The following FAM83D variants were observed in gnomAD, a reference collection of about 807,000 sequenced individuals.
The protein encoded by FAM83D is protein FAM83D.
In FAM83D, 26 loss-of-function variants were observed where a neutral mutation model predicts 25.4. The ratio of observed to expected loss-of-function variants is 1.02; its 90% CI spans 0.75 to 1.42. The LOEUF (loss-of-function observed/expected upper bound fraction) is 1.42. Among genes scored for constraint, FAM83D ranks in the 40% most tolerant of loss-of-function variants. The pLI, the probability that FAM83D is intolerant of heterozygous loss-of-function variation, is 0.00. For missense variants in FAM83D, 740 were observed against 758.1 expected (o/e 0.98, Z 0.28); for synonymous variants, 310 against 318.5 (o/e 0.97, Z 0.28).
chr20:38,930,397 A>T (rs1426992729), intron 1 of FAM83D, among the ~76,000 whole-genome samples: 1 of 152,212 alleles, frequency 6.6e-6, no homozygotes, highest in South Asian at 2.1e-4. Flanking sequence ...GCCTGAGATC[A>T]CACAGTTAGC....
intron 1 of FAM83D, among the ~76,000 whole-genome samples, chr20:38,938,717 G>A (rs1218265888): frequency 1.3e-5 from 2 of 151,928 alleles, no homozygotes; most frequent in Admixed American, 6.6e-5. Flanking sequence ...AGCCCATGTC[G>A]CCCACTGCTC....
chr20:38,940,601 T>C (rs1399495116), intron 1 of FAM83D, among the ~76,000 whole-genome samples: 6 of 152,108 alleles, frequency 3.9e-5, no homozygotes, highest in Admixed American at 2.0e-4. Context: ...AACCCTTATA[T>C]CTCCAGACTA....
intron 3 of FAM83D, among the ~76,000 whole-genome samples, chr20:38,949,790 G>A (rs928141419): frequency 3.4e-4 from 52 of 152,262 alleles, no homozygotes; most frequent in African/African-American, 1.2e-3. Flanking sequence ...TTGTTCTTAG[G>A]CAGGCTCTCC....
At chr20:38,938,771 T>A (rs1339209519) in intron 1 of FAM83D, among the ~76,000 whole-genome samples, 1 of 152,114 alleles carries the variant, frequency 6.6e-6, no homozygotes, top group African/African-American at 2.4e-5. Flanking sequence ...CCCTCATTGC[T>A]TCTGCCGTGC....
chr20:38,934,089 C>T (rs1568695902), intron 1 of FAM83D, among the ~76,000 whole-genome samples: 1 of 152,090 alleles, frequency 6.6e-6, no homozygotes, highest in Non-Finnish European at 1.5e-5. Context: ...CTCCTGACGT[C>T]GTGATCTGCC....
rs568671985 is a variant in FAM83D, at chr20:38,932,911, GA to G, written c.483+5987del. On this transcript the variant is annotated intron_variant, in intron 1 of 3. Coordinates refer to ENST00000619850, the MANE Select transcript of FAM83D (RefSeq NM_030919.3). ...TGATAACCTGAGCGTTAGTAGTGGGGATCATTGCGTTCCCAGAGAGCCCTGC... is the reference window on the plus strand; with the variant it reads ...TGATAACCTGAGCGTTAGTAGTGGGGTCATTGCGTTCCCAGAGAGCCCTGC... Among the ~76,000 whole-genome samples, 4 of 152,328 alleles carry G rather than the reference GA, an allele frequency of 2.6e-5. No homozygotes were observed. In the South Asian group the frequency reaches 8.3e-4, roughly 32 times the overall value.
rs555412410 is a variant in FAM83D, at chr20:38,939,618, T to C, written c.484-2341T>C. Among the ~76,000 whole-genome samples, 7 of 152,332 alleles carry C rather than the reference T, an allele frequency of 4.6e-5. No homozygotes were observed. The South Asian group carries it at 1.4e-3, about 32-fold the overall frequency. ...CACCCACCTCGGCCTCCCAAAGCAC[T>C]GGGATTACAGGCATGAGCCATCATG... On this transcript the variant is annotated intron_variant, in intron 1 of 3. Coordinates refer to ENST00000619850, the MANE Select transcript of FAM83D (RefSeq NM_030919.3).
intron 3 of FAM83D, among the ~76,000 whole-genome samples, chr20:38,950,817 A>T (rs953191908): frequency 1.2e-4 from 18 of 149,756 alleles, no homozygotes; most frequent in Non-Finnish European, 2.2e-4. Context: ...ATTTTTAATT[A>T]ATTTTTTGAG....
intron 1 of FAM83D, among the ~76,000 whole-genome samples, chr20:38,936,227 G>C (rs2085678295): frequency 6.6e-6 from 1 of 152,218 alleles, no homozygotes; most frequent in African/African-American, 2.4e-5. Context: ...AGAAGAGCTA[G>C]AATGAGAACT....
chr20:38,947,888 C>G lies in FAM83D; in HGVS notation c.664C>G (p.Arg222Gly). The G allele has an allele frequency of 6.2e-7, 1 of 1,613,940 alleles. No homozygotes were observed. ...HPEQEKLMTVRTITGNIYYAR... is the reference protein window; with the variant it reads ...HPEQEKLMTVGTITGNIYYAR... ...TCCCTGCCAACAGTTAATGACAGTTCGGACTATCACAGGAAATATCTACTA... is the reference window on the plus strand; with the variant it reads ...TCCCTGCCAACAGTTAATGACAGTTGGGACTATCACAGGAAATATCTACTA... Residue 222 changes from arginine (R) to glycine (G), a missense_variant, in exon 3 of 4, where the codon CGG (arginine) becomes GGG (glycine). This residue lies in a region of FAM83D where 32 missense variants were observed against 56.2 expected (regional missense o/e 0.57). Transcript: ENST00000619850.
intron 1 of FAM83D, among the ~76,000 whole-genome samples, chr20:38,927,647 C>T (rs191632871): frequency 5.9e-4 from 89 of 151,918 alleles, no homozygotes; most frequent in African/African-American, 1.9e-3. Context: ...TACCGGTGCC[C>T]GCCACCACGC....
At chr20:38,950,709 CT>C (rs1216138102) in intron 3 of FAM83D, among the ~76,000 whole-genome samples, 1 of 150,066 alleles carries the variant, frequency 6.7e-6, no homozygotes, top group African/African-American at 2.5e-5. Context: ...ATCCCTTTAT[CT>C]GGTTTCCTTA....
chr20:38,946,103 G>A (rs2085726682), intron 2 of FAM83D, among the ~76,000 whole-genome samples: 1 of 151,038 alleles, frequency 6.6e-6, no homozygotes, highest in Non-Finnish European at 1.5e-5. Flanking sequence ...TTAGCTACTC[G>A]GGAGGCTGAG....
intron 1 of FAM83D, among the ~76,000 whole-genome samples, chr20:38,932,005 T>C (rs1033173289): frequency 6.6e-6 from 1 of 152,232 alleles, no homozygotes; most frequent in Non-Finnish European, 1.5e-5. Context: ...GGTTTGTGAA[T>C]CTGCCAGCCC....
chr20:38,930,487 AT>A (rs2085654439), intron 1 of FAM83D, among the ~76,000 whole-genome samples: 1 of 150,920 alleles, frequency 6.6e-6, no homozygotes, highest in South Asian at 2.1e-4. Context: ...GTTGTTTGTT[AT>A]TATTTTTTTT....
At chr20:38,930,198 G>A (rs1222899437) in intron 1 of FAM83D, among the ~76,000 whole-genome samples, 1 of 145,928 alleles carries the variant, frequency 6.9e-6, no homozygotes, top group Non-Finnish European at 1.5e-5. Flanking sequence ...CTGCTTTCAG[G>A]ATGAAATGAG....
At chr20:38,927,053 AGGT>A in intron 1 of FAM83D, 128 bp downstream of exon 1, 1 of 1,376,544 alleles carries the variant, frequency 7.3e-7, no homozygotes, top group Non-Finnish European at 9.3e-7. Context: ...CGCGCGGGCT[AGGT>A]GGTCCCAGGG....
intron 1 of FAM83D, among the ~76,000 whole-genome samples, chr20:38,938,448 C>T (rs1049807092): frequency 6.6e-6 from 1 of 152,224 alleles, no homozygotes; most frequent in African/African-American, 2.4e-5. Context: ...GTGCTCAACA[C>T]CTGCCTGCCT....
intron 1 of FAM83D, among the ~76,000 whole-genome samples, chr20:38,932,849 G>A (rs1250212155): frequency 6.6e-6 from 1 of 152,184 alleles, no homozygotes; most frequent in Non-Finnish European, 1.5e-5. Context: ...TTCCAAAGAG[G>A]CCACTTTTGC....
Sources: allele counts gnomAD v4.1 joint callset (sites outside exome capture counted in the v4.1 genomes callset), GRCh38; gene constraint gnomAD v4.1.1; regional missense constraint gnomAD v4.1.1; transcripts MANE v1.5; gene names NCBI Gene and HGNC (gene_info 2026-07-23, HGNC 2026-07-21).